Variants in GABRA5 observed in about 807,000 individuals in gnomAD.
GABRA5 encodes gamma-aminobutyric acid type A receptor subunit alpha5, also known as gamma-aminobutyric acid receptor subunit alpha-5.
GABRA5 carries 18 observed loss-of-function variants against 47.3 expected under a neutral mutation model. That is an observed-to-expected ratio of 0.38 (90% CI 0.26 to 0.56). The LOEUF is 0.56. Ranked by LOEUF, GABRA5 falls within the 20% of genes least tolerant of loss-of-function variation. The pLI, the probability that GABRA5 is intolerant of heterozygous loss-of-function variation, is 0.71. For synonymous variants in GABRA5, 237 were observed against 229.3 expected (o/e 1.03, Z -0.30); for missense variants, 365 against 599.3 (o/e 0.61, Z 4.08).
chr15:26,899,835 C>G (rs9744436), intron 6 of GABRA5, among the ~76,000 whole-genome samples: 3,655 of 152,120 alleles, frequency 0.024, 132 homozygotes, highest in African/African-American at 0.084. Flanking sequence ...ATATCTATAT[C>G]GATTCTGCCA....
chr15:26,926,694 T>C (rs1031627941), intron 7 of GABRA5, among the ~76,000 whole-genome samples: 3 of 109,734 alleles, frequency 2.7e-5, no homozygotes, highest in African/African-American at 4.4e-5. Context: ...CTTGAAATTA[T>C]GCCACTCTGT....
At chr15:26,922,355 A>G (rs1722742982) in intron 7 of GABRA5, among the ~76,000 whole-genome samples, 1 of 152,144 alleles carries the variant, frequency 6.6e-6, no homozygotes, top group African/African-American at 2.4e-5. Flanking sequence ...TCTGCTTTGA[A>G]GTCCACATAA....
chr15:26,896,676 A>G (rs1893200332), intron 6 of GABRA5, among the ~76,000 whole-genome samples: 1 of 152,136 alleles, frequency 6.6e-6, no homozygotes, highest in Admixed American at 6.5e-5. Flanking sequence ...GAGAAGTGCT[A>G]GTGTGATTAT....
intron 7 of GABRA5, among the ~76,000 whole-genome samples, chr15:26,920,841 C>G (rs139238768): frequency 6.6e-6 from 1 of 152,270 alleles, no homozygotes; most frequent in Non-Finnish European, 1.5e-5. Flanking sequence ...TCTGCTGGAT[C>G]CCACTAGCAC....
chr15:26,888,756 C>T (rs2140263497), intron 6 of GABRA5, among the ~76,000 whole-genome samples: 1 of 152,348 alleles, frequency 6.6e-6, no homozygotes, highest in Admixed American at 6.5e-5. Context: ...TTTCATCTGC[C>T]ATCTTCCCAC....
intron 7 of GABRA5, among the ~76,000 whole-genome samples, chr15:26,917,678 A>C (rs937838486): frequency 1.3e-5 from 2 of 152,020 alleles, no homozygotes; most frequent in Non-Finnish European, 2.9e-5. Flanking sequence ...TCACTAGTGA[A>C]CTATCTGGTC....
At position 26,939,505 on chromosome 15, in the gene GABRA5, T is replaced by A. The variant is rs970966776; in HGVS notation, c.725-420T>A. On this transcript the variant is annotated intron_variant, in intron 8 of 10. Transcript: ENST00000335625. The stretch of plus-strand genomic sequence containing the variant: ...GGTGGGAGTGGTCGTCTCACCTCCC[T>A]GGAGCCTCTAGACTGGAAACAGGAA... The A allele has an allele frequency of 4.3e-6, 3 of 704,746 alleles. No homozygotes were observed. The African/African-American group carries it at 5.2e-5, about 12-fold the overall frequency. 43.7% of individuals were successfully genotyped at this position (704,746 alleles called of 1,614,324 possible). A position where few individuals can be genotyped will look rare whatever the true frequency, so the allele number is the denominator to read the frequency against.
At chr15:26,875,197 CA>C (rs1892564078) in intron 3 of GABRA5, among the ~76,000 whole-genome samples, 1 of 152,178 alleles carries the variant, frequency 6.6e-6, no homozygotes, top group Non-Finnish European at 1.5e-5. Flanking sequence ...GTTCTGTGTC[CA>C]GGAGACTCCT....
At chr15:26,931,041 A>T (rs986685668) in intron 7 of GABRA5, among the ~76,000 whole-genome samples, 1 of 150,576 alleles carries the variant, frequency 6.6e-6, no homozygotes, top group African/African-American at 2.4e-5. Context: ...GATTACAGGC[A>T]CCTGCCACAA....
intron 8 of GABRA5, among the ~76,000 whole-genome samples, chr15:26,938,956 A>G (rs1366880602): frequency 6.6e-6 from 1 of 152,230 alleles, no homozygotes; most frequent in East Asian, 1.9e-4. Flanking sequence ...ATGTCCCAAC[A>G]CGCAGTCCCT....
At chr15:26,897,209 G>A (rs544790181) in intron 6 of GABRA5, among the ~76,000 whole-genome samples, 1 of 152,112 alleles carries the variant, frequency 6.6e-6, no homozygotes, top group Non-Finnish European at 1.5e-5. Flanking sequence ...CCTCTCAGTT[G>A]TCAGAATGCG....
At chr15:26,930,874 T>TTTTCTTTC (rs978275084) in intron 7 of GABRA5, among the ~76,000 whole-genome samples, 3 of 150,868 alleles carry the variant, frequency 2.0e-5, no homozygotes, top group African/African-American at 7.3e-5. Flanking sequence ...TTCTTTTCTT[T>TTTTCTTTC]TTTCTTTCTT....
chr15:26,946,433 G>GT (rs56708714), intron 10 of GABRA5, among the ~76,000 whole-genome samples: 49,128 of 144,756 alleles, frequency 0.34, 8,472 homozygotes, highest in Non-Finnish European at 0.4. Flanking sequence ...CAATTTATCT[G>GT]TTTTTTTTTT....
intron 10 of GABRA5, among the ~76,000 whole-genome samples, chr15:26,947,729 G>A (rs143345674): frequency 6.6e-6 from 1 of 152,250 alleles, no homozygotes; most frequent in South Asian, 2.1e-4. Flanking sequence ...AATGTATCCC[G>A]TTATGGGATT....
intron 6 of GABRA5, among the ~76,000 whole-genome samples, chr15:26,903,708 A>G (rs950614956): frequency 2.0e-5 from 3 of 151,870 alleles, no homozygotes; most frequent in African/African-American, 7.3e-5. Context: ...ATGATCAGTG[A>G]TATTTAGCTT....
At chr15:26,908,809 A>C (rs562948987) in intron 6 of GABRA5, among the ~76,000 whole-genome samples, 2 of 152,204 alleles carry the variant, frequency 1.3e-5, no homozygotes, top group Non-Finnish European at 2.9e-5. Flanking sequence ...GATGCCTCAC[A>C]TGAGATGTCT....
chr15:26,939,046 A>C (rs184737591), intron 8 of GABRA5, among the ~76,000 whole-genome samples: 52 of 152,228 alleles, frequency 3.4e-4, no homozygotes, highest in African/African-American at 1.3e-3. Context: ...CCCCACGTTC[A>C]CAGTGCATCC....
chr15:26,903,335 A>G (rs1187583730), intron 6 of GABRA5, among the ~76,000 whole-genome samples: 1 of 151,996 alleles, frequency 6.6e-6, no homozygotes, highest in Non-Finnish European at 1.5e-5. Context: ...TATGTACCAC[A>G]TTTTCTTCAT....
chr15:26,874,470 G>A (rs757774958), intron 3 of GABRA5, among the ~76,000 whole-genome samples: 4 of 152,094 alleles, frequency 2.6e-5, no homozygotes, highest in Admixed American at 6.5e-5. Context: ...CTGGGCTAGC[G>A]TGCTCCACTG....
Sources: gnomAD v4.1 joint callset for allele counts (sites outside exome capture counted in the v4.1 genomes callset) on GRCh38, gnomAD v4.1.1 for gene constraint, MANE v1.5 for transcripts, NCBI Gene and HGNC (gene_info 2026-07-23, HGNC 2026-07-21) for gene names.